NRG1: variants seen among roughly 807,000 people sequenced by gnomAD.
NRG1 encodes the protein pro-neuregulin-1, membrane-bound isoform.
A neutral mutation model predicts 63.8 loss-of-function variants in NRG1; 18 were observed. The ratio of observed to expected loss-of-function variants is 0.28; its 90% CI spans 0.19 to 0.42. The LOEUF (loss-of-function observed/expected upper bound fraction) is 0.42, where lower values mean the gene tolerates loss of function less well. Ranked by LOEUF, NRG1 falls within the 10% of genes least tolerant of loss-of-function variation. NRG1 has a pLI of 1.00. For missense variants in NRG1, 762 were observed against 814.7 expected (o/e 0.94, Z 0.79); for synonymous variants, 302 against 301.3 (o/e 1.00, Z -0.02).
At position 32,756,292 on chromosome 8, in the gene NRG1, C is replaced by G. The variant is rs1829671589; in HGVS notation, c.795-111C>G. The G allele has an allele frequency of 4.2e-6, 5 of 1,197,944 alleles. No homozygotes were observed. The Admixed American group carries it at 9.6e-5, about 23-fold the overall frequency. The allele number at this position is 1,197,944 out of a possible 1,614,324, so 74.2% of individuals were successfully genotyped here. A position where few individuals can be genotyped will look rare whatever the true frequency, so the allele number is the denominator to read the frequency against. On this transcript the variant is annotated intron_variant, in intron 8 of 11. Coordinates refer to ENST00000356819, the Ensembl canonical transcript of NRG1. ...ACATACTCCCTTCCCTCTTCCTCAT[C>G]ACCAGTCTACTGCCTTGAACTACTC...
intron 1 of NRG1, among the ~76,000 whole-genome samples, chr8:32,192,782 TA>T (rs1043338677): frequency 1.3e-5 from 2 of 152,170 alleles, no homozygotes; most frequent in African/African-American, 4.8e-5. Flanking sequence ...TATAGATTTT[TA>T]AAAGGCATCT....
chr8:32,230,219 T>A (rs1475344827), intron 1 of NRG1, among the ~76,000 whole-genome samples: 5 of 152,082 alleles, frequency 3.3e-5, no homozygotes, highest in Admixed American at 6.6e-5. Flanking sequence ...GAAAGGAGAA[T>A]GTTCTCCAAA....
At chr8:32,375,150 AG>A (rs1809455234) in intron 1 of NRG1, among the ~76,000 whole-genome samples, 2 of 36,044 alleles carry the variant, frequency 5.5e-5, no homozygotes, top group Non-Finnish European at 2.0e-4. Flanking sequence ...ACCTGGATAT[AG>A]TTTTTTTTTT....
rs1013376682 is a variant in NRG1 at position 31,764,535 on chromosome 8, A to T, written c.37+125104A>T. ...AGTGATTCCTCCCACTTCATAATTA[A>T]TTTTTTCAAATATATTTAGCAATTC... On this transcript the variant is annotated intron_variant, in intron 1 of 10. Coordinates refer to the NRG1 transcript ENST00000519301. 3.6e-4 allele frequency among the ~76,000 whole-genome samples: 55 copies of T among 152,216 alleles called. 1 individual carries two copies. Among genetic ancestry groups the T allele is most frequent in the African/African-American group, 1.2e-3 (48 of 41,540 alleles).
At chr8:31,802,104 T>C (rs1821847032) in intron 1 of NRG1, among the ~76,000 whole-genome samples, 1 of 152,246 alleles carries the variant, frequency 6.6e-6, no homozygotes, top group African/African-American at 2.4e-5. Flanking sequence ...AACAGAAATT[T>C]GTGCTTCACA....
At chr8:31,811,017 C>G (rs555663345) in intron 1 of NRG1, among the ~76,000 whole-genome samples, 1 of 152,178 alleles carries the variant, frequency 6.6e-6, no homozygotes, top group Admixed American at 6.5e-5. Context: ...GCCTCTCTCT[C>G]TATAGTTTGG....
At chr8:32,091,220 G>A (rs1223263217) in intron 1 of NRG1, among the ~76,000 whole-genome samples, 1 of 151,314 alleles carries the variant, frequency 6.6e-6, no homozygotes, top group Non-Finnish European at 1.5e-5. Flanking sequence ...AGAGCTTGCA[G>A]TGAGCTGAGA....
chr8:31,852,584 C>G lies in NRG1; in HGVS notation c.37+213153C>G, dbSNP rs1474907757. ...TGCCTGTTCACTCTGATGGTAGTTTCTTTTGCTGTGCAGAAGCTCTTTAGT... is the reference window on the plus strand; with the variant it reads ...TGCCTGTTCACTCTGATGGTAGTTTGTTTTGCTGTGCAGAAGCTCTTTAGT... On this transcript the variant is annotated intron_variant, in intron 1 of 10. Transcript: ENST00000519301. 4.6e-5 allele frequency among the ~76,000 whole-genome samples: 7 copies of G among 150,894 alleles called. No homozygotes were observed. In the East Asian group the frequency reaches 1.4e-3, roughly 29 times the overall value.
At chr8:31,939,678 C>T (rs1327873240) in intron 1 of NRG1, among the ~76,000 whole-genome samples, 1 of 152,034 alleles carries the variant, frequency 6.6e-6, no homozygotes, top group African/African-American at 2.4e-5. Context: ...TCAGGAGACT[C>T]ATCTAACACA....
At position 32,748,986 on chromosome 8, in the gene NRG1, A is replaced by G. The variant is rs182889818; in HGVS notation, c.692-5386A>G. ...AAGAGATACAGCTAAGAAAATAATT[A>G]GATAACCAATGAGCAAGAAGTATTT... On this transcript the variant is annotated intron_variant, in intron 7 of 11. Coordinates refer to ENST00000356819, the Ensembl canonical transcript of NRG1. The G allele has an allele frequency of 6.6e-5, 13 of 197,784 alleles. No homozygotes were observed. The East Asian group carries it at 2.1e-3, about 32-fold the overall frequency. The allele number at this position is 197,784 out of a possible 1,614,324, so 12.3% of individuals were successfully genotyped here.
intron 1 of NRG1, among the ~76,000 whole-genome samples, chr8:31,987,572 A>G (rs1364041149): frequency 1.3e-5 from 2 of 152,066 alleles, no homozygotes; most frequent in Admixed American, 1.3e-4. Context: ...AGAGAGCAAT[A>G]GACACTGAGG....
rs11304829 is a variant in NRG1, at chr8:31,713,109, A to ATT, written c.37+73702_37+73703dup. ...CCTACTCACTGCCATACTCCTTCTA[A>ATT]TTTTTTTTTTTTTTTTTTTTTTTTT... On this transcript the variant is annotated intron_variant, in intron 1 of 10. Transcript: ENST00000519301. Among the ~76,000 whole-genome samples, 279 of 86,076 alleles carry ATT rather than the reference A, an allele frequency of 3.2e-3. 37 individuals are homozygous for ATT. Among genetic ancestry groups the ATT allele is most frequent in the East Asian group, 0.029 (63 of 2,190 alleles). 56.5% of individuals were successfully genotyped at this position (86,076 alleles called of 152,430 possible).
chr8:31,767,034 C>T (rs1586255912), intron 1 of NRG1, among the ~76,000 whole-genome samples: 1 of 152,246 alleles, frequency 6.6e-6, no homozygotes, highest in East Asian at 1.9e-4. Context: ...CAAATACTTA[C>T]TGGATTTGTA....
At chr8:31,843,198 C>A (rs1826359252) in intron 1 of NRG1, among the ~76,000 whole-genome samples, 2 of 151,982 alleles carry the variant, frequency 1.3e-5, no homozygotes, top group Non-Finnish European at 2.9e-5. Flanking sequence ...TATACGAGAA[C>A]AATGTGGCAT....
intron 7 of NRG1, among the ~76,000 whole-genome samples, chr8:32,752,691 CT>C (rs1308730318): frequency 1.3e-5 from 2 of 152,102 alleles, no homozygotes; most frequent in African/African-American, 4.8e-5. Flanking sequence ...CTTGTTTTCC[CT>C]TCCTCGGTCT....
At chr8:32,719,479 A>G (rs550437311) in intron 5 of NRG1, among the ~76,000 whole-genome samples, 2 of 152,142 alleles carry the variant, frequency 1.3e-5, no homozygotes, top group South Asian at 4.1e-4. Context: ...TTCAGTATGT[A>G]TCTCTAAAAG....
intron 1 of NRG1, among the ~76,000 whole-genome samples, chr8:32,044,593 T>TGAA (rs1459456390): frequency 6.6e-6 from 1 of 151,762 alleles, no homozygotes; most frequent in African/African-American, 2.4e-5. Context: ...TTCATGGAAT[T>TGAA]GAAGTCACAC....
intron 1 of NRG1, among the ~76,000 whole-genome samples, chr8:32,148,550 C>G (rs765765820): frequency 1.3e-5 from 2 of 152,178 alleles, no homozygotes; most frequent in Non-Finnish European, 2.9e-5. Context: ...AGCCGCCCAC[C>G]ACCACGCCCG....
At chr8:32,652,730 CCTT>C (rs961556177) in intron 5 of NRG1, among the ~76,000 whole-genome samples, 92 of 151,052 alleles carry the variant, frequency 6.1e-4, no homozygotes, top group African/African-American at 2.2e-3. Context: ...CAAATTTTTA[CCTT>C]CTTCTTGATC....
Sources: allele counts gnomAD v4.1 joint callset (sites outside exome capture counted in the v4.1 genomes callset), GRCh38; gene constraint gnomAD v4.1.1; transcripts MANE v1.5; gene names NCBI Gene and HGNC (gene_info 2026-07-23, HGNC 2026-07-21).